L2HGDH: variants seen among roughly 807,000 people sequenced by gnomAD.
L2HGDH encodes the protein L-2-hydroxyglutarate dehydrogenase.
Under a neutral mutation model 51.5 loss-of-function variants are expected in L2HGDH, and 34 were observed. That is an observed-to-expected ratio of 0.66 (90% CI 0.50 to 0.88). The LOEUF is 0.88. L2HGDH is among the 40% of genes least tolerant of loss of function. The pLI is 0.00. For synonymous variants in L2HGDH, 198 were observed against 197.9 expected (o/e 1.00, Z -0.01); for missense variants, 558 against 571.9 (o/e 0.98, Z 0.25).
chr14:50,310,505 G>A (rs1248457861), intron 1 of L2HGDH, among the ~76,000 whole-genome samples: 2 of 151,922 alleles, frequency 1.3e-5, no homozygotes, highest in East Asian at 1.9e-4. Context: ...CCAGGGGTTC[G>A]AGACCACCCT....
intron 6 of L2HGDH, among the ~76,000 whole-genome samples, chr14:50,273,276 GC>G (rs1341999682): frequency 6.6e-6 from 1 of 152,156 alleles, no homozygotes; most frequent in African/African-American, 2.4e-5. Context: ...AAGATGACCT[GC>G]CCTGTGGATG....
At chr14:50,256,555 C>T (rs1407566105) in intron 9 of L2HGDH, among the ~76,000 whole-genome samples, 2 of 151,712 alleles carry the variant, frequency 1.3e-5, no homozygotes, top group African/African-American at 4.8e-5. Context: ...TTTTCTAGCA[C>T]ATAGATTTTT....
chr14:50,280,535 A>G lies in L2HGDH; in HGVS notation c.704-1981T>C, dbSNP rs912546079. On this transcript the variant is annotated intron_variant, in intron 5 of 9. Transcript: ENST00000267436. ...ATCAGTTCAGTCCTGTACTCTTCACATAGACACCAGGTTTGCCAATTTTCC... is the reference window on the plus strand; with the variant it reads ...ATCAGTTCAGTCCTGTACTCTTCACGTAGACACCAGGTTTGCCAATTTTCC... 2.0e-5 allele frequency among the ~76,000 whole-genome samples: 3 copies of G among 152,186 alleles called. No individual in the cohort carries two copies. The South Asian group carries it at 6.2e-4, about 32-fold the overall frequency.
At chr14:50,268,630 G>A (rs977880203) in intron 7 of L2HGDH, among the ~76,000 whole-genome samples, 3 of 152,022 alleles carry the variant, frequency 2.0e-5, no homozygotes, top group South Asian at 2.1e-4. Flanking sequence ...TTCATGTTTC[G>A]GCAAGCTCAA....
chr14:50,285,352 C>T (rs1444139205), intron 4 of L2HGDH, among the ~76,000 whole-genome samples: 8 of 152,168 alleles, frequency 5.3e-5, no homozygotes, highest in Non-Finnish European at 1.0e-4. Flanking sequence ...TCTTTTTTAA[C>T]AAATTGAAAG....
intron 3 of L2HGDH, 47 bp downstream of exon 3, chr14:50,301,970 G>A (rs2030434700): frequency 6.3e-7 from 1 of 1,587,792 alleles, no homozygotes; most frequent in Non-Finnish European, 8.6e-7. Flanking sequence ...ACATCACTAA[G>A]CAAATGCTAG....
chr14:50,309,992 G>A (rs922623009), intron 1 of L2HGDH, among the ~76,000 whole-genome samples: 3 of 151,904 alleles, frequency 2.0e-5, no homozygotes, highest in Non-Finnish European at 4.4e-5. Context: ...AGCATGCCTG[G>A]CCACATTTTC....
chr14:50,299,309 C>G (rs1385762947), intron 3 of L2HGDH, among the ~76,000 whole-genome samples: 2 of 152,074 alleles, frequency 1.3e-5, no homozygotes, highest in East Asian at 3.8e-4. Context: ...CAATAAAAGG[C>G]AATAAGATCG....
At position 50,244,471 on chromosome 14, in the gene L2HGDH, A is replaced by G; in HGVS notation, c.*2587T>C. 1.0e-6 allele frequency: 1 copy of G among 985,346 alleles called. No homozygotes were observed. Among genetic ancestry groups the G allele is most frequent in the Non-Finnish European group, 1.2e-6 (1 of 829,824 alleles). The allele number at this position is 985,346 out of a possible 1,614,324, so 61.0% of individuals were successfully genotyped here. ...TGCAATCGTACTACTGACAAAATAC[A>G]GAATGATAATATTTTCCATCTCTTA... On this transcript the variant is annotated 3_prime_UTR_variant, in exon 10 of 10. Transcript: ENST00000267436.
chr14:50,251,241 T>C (rs1459424335), intron 9 of L2HGDH, among the ~76,000 whole-genome samples: 1 of 152,138 alleles, frequency 6.6e-6, no homozygotes. Flanking sequence ...CTGAAGAATA[T>C]ATCAGAGTCT....
rs375890787 is a variant in L2HGDH at position 50,247,074 on chromosome 14, T to C, written c.1376A>G (p.Gln459Arg). ...ISGMIADEVQ[Q>R]RFEL Reference sequence around the variant, plus strand: ...TTTCATTATTTATAATTCAAATCTTTGTTGTACTTCATCTGCAATCATTCC... The same window carrying C: ...TTTCATTATTTATAATTCAAATCTTCGTTGTACTTCATCTGCAATCATTCC... The change falls in exon 10 of 10, where the codon CAA (glutamine) becomes CGA (arginine). Residue 459 changes from glutamine to arginine, a missense_variant. By Grantham distance (43) the Gln-to-Arg change is conservative. Transcript: ENST00000267436. 183 of 1,613,540 alleles carry C rather than the reference T, an allele frequency of 1.1e-4. No individual in the cohort carries two copies. The highest frequency in any genetic ancestry group is 1.4e-4 in the Non-Finnish European group (162 of 1,179,666).
chr14:50,264,060 C>T (rs761407737), intron 9 of L2HGDH, among the ~76,000 whole-genome samples: 2 of 151,084 alleles, frequency 1.3e-5, no homozygotes, highest in Non-Finnish European at 3.0e-5. Flanking sequence ...AGGTGTGAGC[C>T]GCCGTGCCAG....
chr14:50,299,370 T>C (rs2030269987), intron 3 of L2HGDH, among the ~76,000 whole-genome samples: 1 of 152,168 alleles, frequency 6.6e-6, no homozygotes, highest in South Asian at 2.1e-4. Flanking sequence ...ACCTGATGGC[T>C]TCACTGCTAA....
intron 4 of L2HGDH, among the ~76,000 whole-genome samples, chr14:50,292,643 T>C (rs1035971102): frequency 3.9e-5 from 6 of 151,976 alleles, no homozygotes; most frequent in Admixed American, 1.3e-4. Flanking sequence ...GAGGCAGAGG[T>C]TGCGGTGAGC....
At chr14:50,249,020 G>C (rs959099746) in intron 9 of L2HGDH, among the ~76,000 whole-genome samples, 12 of 152,166 alleles carry the variant, frequency 7.9e-5, no homozygotes, top group Non-Finnish European at 1.8e-4. Flanking sequence ...ACAGTGGCTG[G>C]GGGCCTTTAC....
intron 6 of L2HGDH, among the ~76,000 whole-genome samples, chr14:50,272,400 G>C (rs1282473911): frequency 6.6e-6 from 1 of 152,170 alleles, no homozygotes; most frequent in African/African-American, 2.4e-5. Context: ...TGAATGGAAA[G>C]CCTGCCACCT....
intron 9 of L2HGDH, among the ~76,000 whole-genome samples, chr14:50,264,295 T>C (rs1045302059): frequency 2.6e-5 from 4 of 151,984 alleles, no homozygotes; most frequent in Non-Finnish European, 5.9e-5. Flanking sequence ...GGGGAATTGC[T>C]TGAACCCAGG....
chr14:50,309,622 T>A (rs994037682), intron 1 of L2HGDH, among the ~76,000 whole-genome samples: 1 of 149,378 alleles, frequency 6.7e-6, no homozygotes, highest in Non-Finnish European at 1.5e-5. Flanking sequence ...GAGAGGAAGG[T>A]GTGAATATAA....
rs909595352 is a variant in L2HGDH at position 50,242,452 on chromosome 14, A to T, written c.*4606T>A. On this transcript the variant is annotated 3_prime_UTR_variant, in exon 10 of 10. Coordinates refer to ENST00000267436, the MANE Select transcript of L2HGDH (RefSeq NM_024884.3). Reference sequence around the variant, plus strand: ...AAGAAACTTAAAATAAGATAACTTTAATGTGAGATCCTTCCCATAAGCAGA... The same window carrying T: ...AAGAAACTTAAAATAAGATAACTTTTATGTGAGATCCTTCCCATAAGCAGA... 1 of 982,620 alleles carries T rather than the reference A, an allele frequency of 1.0e-6. No individual in the cohort carries two copies. Among genetic ancestry groups the T allele is most frequent in the African/African-American group, 1.7e-5 (1 of 57,170 alleles). The allele number at this position is 982,620 out of a possible 1,614,324, so 60.9% of individuals were successfully genotyped here. A position where few individuals can be genotyped will look rare whatever the true frequency, so the allele number is the denominator to read the frequency against.
Sources: allele counts gnomAD v4.1 joint callset (sites outside exome capture counted in the v4.1 genomes callset), GRCh38; gene constraint gnomAD v4.1.1; transcripts MANE v1.5; gene names NCBI Gene and HGNC (gene_info 2026-07-23, HGNC 2026-07-21).